ADAM10: variants seen among roughly 807,000 people sequenced by gnomAD.
ADAM10 encodes the protein disintegrin and metalloproteinase domain-containing protein 10.
Under a neutral mutation model 90.1 loss-of-function variants are expected in ADAM10, and 17 were observed. The observed-to-expected ratio is 0.19, with a 90% CI of 0.13 to 0.28. ADAM10 has a LOEUF of 0.28. Among genes scored for constraint, ADAM10 ranks in the 10% least tolerant of loss-of-function variants. The pLI is 1.00. For missense variants in ADAM10, 610 were observed against 914.3 expected (o/e 0.67, Z 4.29); for synonymous variants, 310 against 298.6 (o/e 1.04, Z -0.40).
chr15:58,658,729 A>G (rs1391079415), intron 5 of ADAM10, among the ~76,000 whole-genome samples: 5 of 152,176 alleles, frequency 3.3e-5, no homozygotes, highest in African/African-American at 1.2e-4. Context: ...TTTATTCTAC[A>G]TATTTTATAT....
intron 14 of ADAM10, chr15:58,609,333 C>A (rs1274507254): frequency 6.6e-6 from 1 of 152,184 alleles, no homozygotes; most frequent in African/African-American, 2.4e-5. Flanking sequence ...ACTCCATGAT[C>A]ATTACATATC....
At chr15:58,633,635 C>T (rs1446492239) in intron 8 of ADAM10, among the ~76,000 whole-genome samples, 1 of 152,078 alleles carries the variant, frequency 6.6e-6, no homozygotes, top group African/African-American at 2.4e-5. Context: ...ATGTTATTCC[C>T]ATTAATTTAG....
chr15:58,696,578 G>A (rs1897986902), intron 2 of ADAM10, among the ~76,000 whole-genome samples: 1 of 149,792 alleles, frequency 6.7e-6, no homozygotes, highest in Non-Finnish European at 1.5e-5. Context: ...TGATTCTTCC[G>A]CCTCAGCCTC....
At chr15:58,643,791 A>G (rs1208473027) in intron 7 of ADAM10, 95 bp downstream of exon 7, 1 of 1,022,942 alleles carries the variant, frequency 9.8e-7, no homozygotes, top group African/African-American at 1.6e-5. Flanking sequence ...CTTAATTCAT[A>G]AAGATAAAAT....
intron 2 of ADAM10, among the ~76,000 whole-genome samples, chr15:58,712,648 T>C (rs1382484786): frequency 1.4e-5 from 2 of 146,258 alleles, no homozygotes; most frequent in Non-Finnish European, 3.0e-5. Flanking sequence ...TGAAGCCCCG[T>C]CTCTACTAAA....
At chr15:58,691,676 CTTTTTTTTTTT>C (rs71116587) in intron 2 of ADAM10, 3 of 231,886 alleles carry the variant, frequency 1.3e-5, no homozygotes, top group African/African-American at 8.9e-5. Flanking sequence ...ACTTCTTCTT[CTTTTTTTTTTT>C]TTTTTTTTTT....
Position 58,590,984 on chromosome 15 carries a change from CAA to C in ADAM10, c.*6561_*6562del, listed in dbSNP as rs1189599693. 2.6e-5 allele frequency: 4 copies of C among 152,148 alleles called. No individual in the cohort carries two copies. The highest frequency in any genetic ancestry group is 9.7e-5 in the African/African-American group (4 of 41,424). The allele number at this position is 152,148 out of a possible 1,614,324, so 9.4% of individuals were successfully genotyped here. A position where few individuals can be genotyped will look rare whatever the true frequency, so the allele number is the denominator to read the frequency against. Reference sequence around the variant, plus strand: ...CCTCCAGGGAACATGATCATTTAAACAAGAGAGGGCAGAAGAATCTAGTTTAT... The same window carrying C: ...CCTCCAGGGAACATGATCATTTAAACGAGAGGGCAGAAGAATCTAGTTTAT... On this transcript the variant is annotated 3_prime_UTR_variant, in exon 16 of 16. Coordinates refer to ENST00000260408, the MANE Select transcript of ADAM10 (RefSeq NM_001110.4).
chr15:58,592,547 T>C lies in ADAM10; in HGVS notation c.*5000A>G, dbSNP rs1003284268. ...TTCTTGTACATTTCTTTCTTACAGG[T>C]GGAATTAGTGATTTATCCAAAGGAG... On this transcript the variant is annotated 3_prime_UTR_variant, in exon 16 of 16. Coordinates refer to ENST00000260408, the MANE Select transcript of ADAM10 (RefSeq NM_001110.4). 3.9e-5 allele frequency: 6 copies of C among 152,108 alleles called. No homozygotes were observed. The highest frequency in any genetic ancestry group is 6.6e-5 in the Admixed American group (1 of 15,266). The allele number at this position is 152,108 out of a possible 1,614,324, so 9.4% of individuals were successfully genotyped here.
At chr15:58,662,841 C>T (rs999665300) in intron 5 of ADAM10, among the ~76,000 whole-genome samples, 16 of 152,144 alleles carry the variant, frequency 1.1e-4, no homozygotes, top group African/African-American at 1.7e-4. Context: ...GTATTGCGCC[C>T]GTAAGTCCAG....
Position 58,711,073 on chromosome 15 carries a change from A to G in ADAM10, c.206+6504T>C, listed in dbSNP as rs527591494. ...TCCCAAACCACAAAGAAAACTTCCA[A>G]CCAAATGTCTAATCATTTGTTTTAA... On this transcript the variant is annotated intron_variant, in intron 2 of 15. Coordinates refer to ENST00000260408, the MANE Select transcript of ADAM10 (RefSeq NM_001110.4). Among the ~76,000 whole-genome samples the G allele has an allele frequency of 1.2e-4, 19 of 152,296 alleles. 1 individual carries two copies. The highest frequency in any genetic ancestry group is 5.9e-4 in the Admixed American group (9 of 15,298).
At chr15:58,630,324 A>C (rs1896069125) in intron 9 of ADAM10, among the ~76,000 whole-genome samples, 1 of 152,208 alleles carries the variant, frequency 6.6e-6, no homozygotes, top group African/African-American at 2.4e-5. Context: ...CAGACATGGG[A>C]AGGAACTGAC....
At chr15:58,712,523 C>CAAAA (rs35146640) in intron 2 of ADAM10, among the ~76,000 whole-genome samples, 1 of 132,532 alleles carries the variant, frequency 7.5e-6, no homozygotes, top group Non-Finnish European at 1.6e-5. Flanking sequence ...GGCCCTGTTT[C>CAAAA]AAAAAAAAAA....
intron 1 of ADAM10, among the ~76,000 whole-genome samples, chr15:58,742,710 T>A (rs1321875155): frequency 2.0e-5 from 3 of 152,224 alleles, no homozygotes. Flanking sequence ...TTAACATTGC[T>A]TCCTTTTTCC....
chr15:58,631,338 G>A (rs1157838988), intron 9 of ADAM10, among the ~76,000 whole-genome samples: 2 of 152,170 alleles, frequency 1.3e-5, no homozygotes, highest in Non-Finnish European at 2.9e-5. Context: ...AAAGAATGGG[G>A]TACGATTGAG....
chr15:58,691,096 T>A, intron 2 of ADAM10: 1 of 657,328 alleles, frequency 1.5e-6, no homozygotes, highest in Non-Finnish European at 3.0e-6. Flanking sequence ...CACTTCATAT[T>A]GGCTATCTAG....
intron 1 of ADAM10, among the ~76,000 whole-genome samples, chr15:58,745,687 A>G (rs1359342094): frequency 6.6e-6 from 1 of 152,200 alleles, no homozygotes; most frequent in Non-Finnish European, 1.5e-5. Context: ...CATCTATACA[A>G]GATAAAGCTA....
At chr15:58,706,398 A>G (rs1438108057) in intron 2 of ADAM10, among the ~76,000 whole-genome samples, 1 of 152,174 alleles carries the variant, frequency 6.6e-6, no homozygotes, top group Non-Finnish European at 1.5e-5. Context: ...GGCATTTCTG[A>G]TGTTTCCAGA....
At chr15:58,627,653 G>T in intron 10 of ADAM10, 47 bp downstream of exon 10, 1 of 1,546,586 alleles carries the variant, frequency 6.5e-7, no homozygotes, top group Non-Finnish European at 8.9e-7. Flanking sequence ...CAAGTTGTCT[G>T]AATGTTTGAA....
At chr15:58,692,183 C>G (rs1366221132) in intron 2 of ADAM10, 1 of 555,688 alleles carries the variant, frequency 1.8e-6, no homozygotes, top group Non-Finnish European at 3.6e-6. Context: ...TAAAAAAGGT[C>G]AAAGGGAGCC....
Sources: allele counts gnomAD v4.1 joint callset (sites outside exome capture counted in the v4.1 genomes callset), GRCh38; gene constraint gnomAD v4.1.1; transcripts MANE v1.5; gene names NCBI Gene and HGNC (gene_info 2026-07-23, HGNC 2026-07-21).